The following RBFOX1 variants were observed in gnomAD, a reference collection of about 807,000 sequenced individuals.
RBFOX1 encodes RNA binding protein fox-1 homolog 1.
RBFOX1 carries 8 observed loss-of-function variants against 57.7 expected under a neutral mutation model. The observed-to-expected ratio is 0.14, with a 90% confidence interval of 0.08 to 0.25. The LOEUF (loss-of-function observed/expected upper bound fraction) is 0.25. RBFOX1 is among the 10% of genes least tolerant of loss of function. The probability of loss-of-function intolerance (pLI) is 1.00; values close to 1 mark genes in which losing one functional copy is unlikely to be tolerated. For missense variants in RBFOX1, 611 were observed against 548.5 expected, an observed-to-expected ratio of 1.11 and a Z score of -1.14; for synonymous variants, 326 against 222.4, an observed-to-expected ratio of 1.47 and a Z score of -4.15.
intron 4 of RBFOX1, among the ~76,000 whole-genome samples, chr16:7,410,331 A>C (rs1185840132): frequency 2.6e-5 from 4 of 152,174 alleles, no homozygotes; most frequent in Non-Finnish European, 5.9e-5. Flanking sequence ...GAGCTGTGGG[A>C]ATAATTTGCC....
chr16:5,519,367 C>G (rs1171013424), intron 2 of RBFOX1, among the ~76,000 whole-genome samples: 1 of 152,118 alleles, frequency 6.6e-6, no homozygotes, highest in Admixed American at 6.6e-5. Flanking sequence ...TGTAAGTGCT[C>G]TCTTTTATCA....
rs189459443 is a variant in RBFOX1 at position 6,332,792 on chromosome 16, C to T, written c.-64+15735C>T. ...AGGTGTTCAGAGAAGAGAAAGTCAG[C>T]ATAAACCATGCCGTGGACTAGAAGG... is the stretch of plus-strand genomic sequence containing the variant. On this transcript the variant is annotated intron_variant, in intron 2 of 15. Transcript: ENST00000550418. Among the ~76,000 whole-genome samples the T allele has an allele frequency of 2.0e-3, 311 of 152,046 alleles. 1 individual carries two copies. The highest frequency in any genetic ancestry group is 3.4e-4 in the Non-Finnish European group (23 of 67,882).
At chr16:7,567,583 A>C (rs1477316729) in intron 5 of RBFOX1, among the ~76,000 whole-genome samples, 1 of 97,212 alleles carries the variant, frequency 1.0e-5, no homozygotes, top group African/African-American at 3.3e-5. Flanking sequence ...ATATATCCCT[A>C]TATATGGCCC....
At chr16:7,545,784 T>A (rs1318737050) in intron 5 of RBFOX1, among the ~76,000 whole-genome samples, 1 of 152,068 alleles carries the variant, frequency 6.6e-6, no homozygotes, top group African/African-American at 2.4e-5. Flanking sequence ...AACGTGGTCT[T>A]GGGTCTCAGC....
chr16:6,945,099 C>G (rs192959284), intron 3 of RBFOX1, among the ~76,000 whole-genome samples: 2 of 152,036 alleles, frequency 1.3e-5, no homozygotes, highest in South Asian at 2.1e-4. Flanking sequence ...AGCTCTGCAC[C>G]CAACGTCCCT....
At chr16:5,988,348 G>T (rs75033174) in intron 4 of RBFOX1, among the ~76,000 whole-genome samples, 1 of 152,288 alleles carries the variant, frequency 6.6e-6, no homozygotes, top group East Asian at 1.9e-4. Flanking sequence ...GTTGGACACA[G>T]CCATTATCCT....
At chr16:5,307,074 G>A (rs577251984) in intron 1 of RBFOX1, among the ~76,000 whole-genome samples, 3 of 152,150 alleles carry the variant, frequency 2.0e-5, no homozygotes, top group Admixed American at 6.5e-5. Context: ...GGGGTGGAGT[G>A]GGGGAGCAGG....
intron 3 of RBFOX1, among the ~76,000 whole-genome samples, chr16:7,040,767 C>T (rs1232367631): frequency 2.0e-5 from 3 of 152,182 alleles, no homozygotes; most frequent in African/African-American, 7.2e-5. Context: ...TTGTCATAGA[C>T]ATCATTCCTG....
intron 1 of RBFOX1, among the ~76,000 whole-genome samples, chr16:6,201,675 A>C (rs1304486141): frequency 6.6e-6 from 1 of 152,170 alleles, no homozygotes; most frequent in Non-Finnish European, 1.5e-5. Context: ...TGGAATTAGA[A>C]TGTTCCTAAC....
At chr16:6,478,244 A>G (rs2095304978) in intron 2 of RBFOX1, among the ~76,000 whole-genome samples, 2 of 132,998 alleles carry the variant, frequency 1.5e-5, no homozygotes, top group South Asian at 4.8e-4. Context: ...TTTTTTTGAG[A>G]CGGAGTCTCT....
intron 4 of RBFOX1, among the ~76,000 whole-genome samples, chr16:5,980,560 A>G (rs141369976): frequency 1.3e-5 from 2 of 152,190 alleles, no homozygotes; most frequent in Admixed American, 1.3e-4. Context: ...GAAGTTAAGT[A>G]GAGAAAATTG....
intron 3 of RBFOX1, among the ~76,000 whole-genome samples, chr16:5,703,414 G>A (rs1489919124): frequency 6.6e-6 from 1 of 152,176 alleles, no homozygotes; most frequent in Non-Finnish European, 1.5e-5. Flanking sequence ...CTGGAGGGTC[G>A]GCAGGTGGGT....
At chr16:5,721,608 T>C (rs1298815990) in intron 3 of RBFOX1, among the ~76,000 whole-genome samples, 2 of 152,224 alleles carry the variant, frequency 1.3e-5, no homozygotes, top group Non-Finnish European at 2.9e-5. Context: ...AGTGTTTTCA[T>C]AGATTCCCTT....
chr16:7,107,144 T>C (rs986431204), intron 4 of RBFOX1, among the ~76,000 whole-genome samples: 10 of 152,120 alleles, frequency 6.6e-5, no homozygotes, highest in South Asian at 2.1e-4. Context: ...TGCAAGAACA[T>C]TGTATCCAGG....
rs58857873 is a variant in RBFOX1 at position 5,818,894 on chromosome 16, C to T, written c.319-48409C>T. On this transcript the variant is annotated intron_variant, in intron 3 of 19. Coordinates refer to the RBFOX1 transcript ENST00000641259. ...TAGTCTGTGTAAATGGTTCCTCCAC[C>T]CACCAAATACATCACCTTTGACTCA... Among the ~76,000 whole-genome samples, 313 of 152,230 alleles carry T rather than the reference C, an allele frequency of 2.1e-3. 4 individuals are homozygous for T. The highest frequency in any genetic ancestry group is 7.4e-3 in the African/African-American group (308 of 41,532).
intron 4 of RBFOX1, among the ~76,000 whole-genome samples, chr16:5,933,433 C>CATCA (rs2059108035): frequency 6.6e-6 from 1 of 152,192 alleles, no homozygotes; most frequent in East Asian, 1.9e-4. Flanking sequence ...ACATGTCAGC[C>CATCA]TGATCCTTGG....
intron 3 of RBFOX1, among the ~76,000 whole-genome samples, chr16:5,797,533 C>A (rs1446210119): frequency 6.6e-6 from 1 of 152,152 alleles, no homozygotes; most frequent in Non-Finnish European, 1.5e-5. Context: ...AGCTGGGGAC[C>A]AATTATGAAG....
intron 4 of RBFOX1, among the ~76,000 whole-genome samples, chr16:5,922,530 C>G (rs1567151435): frequency 1.3e-5 from 2 of 152,174 alleles, no homozygotes; most frequent in Non-Finnish European, 2.9e-5. Flanking sequence ...GCATGTACTT[C>G]TGAATGGTCA....
intron 1 of RBFOX1, among the ~76,000 whole-genome samples, chr16:5,422,202 A>G (rs1209575579): frequency 6.8e-6 from 1 of 146,048 alleles, no homozygotes; most frequent in Admixed American, 6.8e-5. Context: ...GGGAGGAAGG[A>G]GAAAGGTGGA....
Sources: allele counts gnomAD v4.1 joint callset (sites outside exome capture counted in the v4.1 genomes callset), GRCh38; gene constraint gnomAD v4.1.1; transcripts MANE v1.5; gene names NCBI Gene and HGNC (gene_info 2026-07-23, HGNC 2026-07-21).